The following APLF variants were observed in gnomAD, a reference collection of about 807,000 sequenced individuals.
The protein encoded by APLF is aprataxin and PNKP like factor, also known as aprataxin and PNK-like factor.
Under a neutral mutation model 55.6 loss-of-function variants are expected in APLF, and 61 were observed. The ratio of observed to expected loss-of-function variants is 1.10; its 90% confidence interval spans 0.89 to 1.36. The LOEUF (loss-of-function observed/expected upper bound fraction) is 1.36, where lower values mean the gene tolerates loss of function less well. APLF is among the 40% of genes most tolerant of loss of function. The pLI is 0.00. For missense variants in APLF, 611 were observed against 602.5 expected (o/e 1.01, Z -0.15); for synonymous variants, 207 against 214.8 (o/e 0.96, Z 0.32).
intron 2 of APLF, among the ~76,000 whole-genome samples, chr2:68,502,430 C>G (rs973023262): frequency 1.3e-5 from 2 of 152,008 alleles, no homozygotes; most frequent in Non-Finnish European, 2.9e-5. Context: ...CTAGTTGTCT[C>G]TATTAAGCAA....
At chr2:68,484,030 C>T (rs916441352) in intron 1 of APLF, among the ~76,000 whole-genome samples, 17 of 152,056 alleles carry the variant, frequency 1.1e-4, no homozygotes, top group African/African-American at 3.9e-4. Flanking sequence ...TTGTTTCTTT[C>T]GTTTTTAGAA....
chr2:68,566,545 G>A (rs1200935362), intron 8 of APLF, among the ~76,000 whole-genome samples: 3 of 152,058 alleles, frequency 2.0e-5, no homozygotes, highest in Admixed American at 6.6e-5. Flanking sequence ...CCTGACACAG[G>A]TATATTCGAA....
At position 68,510,835 on chromosome 2, in the gene APLF, T is replaced by G. The variant is rs77437128; in HGVS notation, c.342-2245T>G. ...GTATAGTCATACAGTAGAATATTAT[T>G]TGGCCATAAAGAGGAATGAAATATT... On this transcript the variant is annotated intron_variant, in intron 3 of 9. Transcript: ENST00000303795. Among the ~76,000 whole-genome samples the G allele has an allele frequency of 5.5e-3, 832 of 151,914 alleles. 3 individuals are homozygous for G. The highest frequency in any genetic ancestry group is 0.019 in the African/African-American group (795 of 41,518).
At chr2:68,504,617 CT>C (rs924435120) in intron 3 of APLF, among the ~76,000 whole-genome samples, 3 of 148,322 alleles carry the variant, frequency 2.0e-5, no homozygotes, top group African/African-American at 7.9e-5. Context: ...AAGAAGGAAA[CT>C]TTTTTCCTAC....
intron 2 of APLF, among the ~76,000 whole-genome samples, chr2:68,490,731 G>A (rs1448088201): frequency 6.6e-6 from 1 of 152,174 alleles, no homozygotes; most frequent in African/African-American, 2.4e-5. Context: ...AGTTTTTGTT[G>A]AGGGCTCGAA....
At chr2:68,513,025 C>T in intron 3 of APLF, 55 bp from the exon 4 acceptor site, 5 of 1,497,814 alleles carry the variant, frequency 3.3e-6, no homozygotes, top group Non-Finnish European at 4.6e-6. Context: ...AGTTCTAAGG[C>T]AGCAGAAGTG....
rs533833306 is a variant in APLF at position 68,524,243 on chromosome 2, T to C, written c.623-1818T>C. Among the ~76,000 whole-genome samples the C allele has an allele frequency of 7.2e-5, 11 of 152,352 alleles. No homozygotes were observed. In the East Asian group the frequency reaches 1.9e-3, roughly 27 times the overall value. On this transcript the variant is annotated intron_variant, in intron 5 of 9. Coordinates refer to ENST00000303795, the MANE Select transcript of APLF (RefSeq NM_173545.3). Reference sequence around the variant, plus strand: ...AAATGATATGAACTATTTTCTAATTTAGATTCATGATGAATATTTAAATAA... The same window carrying C: ...AAATGATATGAACTATTTTCTAATTCAGATTCATGATGAATATTTAAATAA...
chr2:68,525,363 A>G (rs767525464), intron 5 of APLF, among the ~76,000 whole-genome samples: 80 of 152,144 alleles, frequency 5.3e-4, no homozygotes, highest in Non-Finnish European at 1.0e-3. Flanking sequence ...AATAAGTAGT[A>G]TATGTAAAGT....
chr2:68,482,010 T>C (rs553584361), intron 1 of APLF, among the ~76,000 whole-genome samples: 1 of 152,200 alleles, frequency 6.6e-6, no homozygotes, highest in African/African-American at 2.4e-5. Flanking sequence ...CTGATTTTGG[T>C]AAATTGGGTT....
At position 68,545,276 on chromosome 2, in the gene APLF, A is replaced by ACCGG. The variant is rs1354159427; in HGVS notation, c.1253_1256dup (p.Glu420AlafsTer2). On this transcript the variant is annotated frameshift_variant, in exon 8 of 10. Transcript: ENST00000303795. LOFTEE classifies it high-confidence loss of function. ...ATCGTGGGCCAAGATGAGACTGATG[A>ACCGG]CCGGCCTGAATGTCCCTATGGACCA... The ACCGG allele has an allele frequency of 3.7e-6, 6 of 1,613,720 alleles. No individual in the cohort carries two copies. The highest frequency in any genetic ancestry group is 5.1e-6 in the Non-Finnish European group (6 of 1,179,754).
At chr2:68,517,417 T>A (rs1349638012) in intron 5 of APLF, among the ~76,000 whole-genome samples, 4 of 129,584 alleles carry the variant, frequency 3.1e-5, no homozygotes, top group Non-Finnish European at 6.2e-5. Context: ...ATCTATATAT[T>A]ACTATATATT....
intron 8 of APLF, chr2:68,563,414 T>G: frequency 1.1e-6 from 1 of 948,386 alleles, no homozygotes; most frequent in Non-Finnish European, 1.3e-6. Context: ...GGATGTGAGG[T>G]TGGTGGATGC....
chr2:68,537,650 C>T (rs1025703177), intron 6 of APLF, among the ~76,000 whole-genome samples: 4 of 152,006 alleles, frequency 2.6e-5, no homozygotes, highest in African/African-American at 9.7e-5. Flanking sequence ...GATTACAGGC[C>T]TGAGCCACCG....
At chr2:68,520,014 C>G (rs112938938) in intron 5 of APLF, among the ~76,000 whole-genome samples, 3,883 of 151,918 alleles carry the variant, frequency 0.026, 64 homozygotes, top group South Asian at 0.043. Flanking sequence ...GCCATTCTTG[C>G]AAGAGTAAGG....
intron 9 of APLF, among the ~76,000 whole-genome samples, chr2:68,572,381 G>A (rs747569899): frequency 2.0e-5 from 3 of 151,940 alleles, no homozygotes; most frequent in Non-Finnish European, 4.4e-5. Flanking sequence ...GAATATTGAG[G>A]CAAAATATTT....
chr2:68,540,602 GT>G (rs1332693215), intron 7 of APLF, among the ~76,000 whole-genome samples: 1 of 152,110 alleles, frequency 6.6e-6, no homozygotes, highest in African/African-American at 2.4e-5. Context: ...TTCCACAATG[GT>G]TGAACTAATT....
intron 2 of APLF, among the ~76,000 whole-genome samples, chr2:68,497,969 T>G (rs1198198116): frequency 1.3e-5 from 2 of 152,024 alleles, no homozygotes; most frequent in Non-Finnish European, 2.9e-5. Context: ...TATAGTTTAA[T>G]AAAATGCCCA....
chr2:68,569,129 T>G (rs1214126894), intron 9 of APLF, among the ~76,000 whole-genome samples: 1 of 152,120 alleles, frequency 6.6e-6, no homozygotes, highest in Non-Finnish European at 1.5e-5. Flanking sequence ...TATTGATTCA[T>G]TTACTCACAC....
intron 6 of APLF, among the ~76,000 whole-genome samples, chr2:68,536,114 A>T (rs1670377135): frequency 6.6e-6 from 1 of 152,172 alleles, no homozygotes; most frequent in Non-Finnish European, 1.5e-5. Context: ...CGAGAGTTCC[A>T]GTTGCTGGTA....
Sources: allele counts gnomAD v4.1 joint callset (sites outside exome capture counted in the v4.1 genomes callset), GRCh38; gene constraint gnomAD v4.1.1; transcripts MANE v1.5; gene names NCBI Gene and HGNC (gene_info 2026-07-23, HGNC 2026-07-21).